TMEM196: variants seen among roughly 807,000 people sequenced by gnomAD.
TMEM196 encodes transmembrane protein 196.
In TMEM196, 17 loss-of-function variants were observed where a neutral mutation model predicts 20.0. That is an observed-to-expected ratio of 0.85 (90% CI 0.58 to 1.27). The LOEUF is 1.27. TMEM196 is among the 50% of genes most tolerant of loss of function. TMEM196 has a pLI of 0.00. For missense variants in TMEM196, 267 were observed against 223.0 expected, an observed-to-expected ratio of 1.20 and a Z score of -1.26; for synonymous variants, 113 against 88.9, an observed-to-expected ratio of 1.27 and a Z score of -1.52.
rs918482258 is a variant in TMEM196, at chr7:19,724,279, C to G, written c.533+1G>C. The G allele has an allele frequency of 6.5e-7, 1 of 1,550,358 alleles. No homozygotes were observed. The highest frequency in any genetic ancestry group is 2.0e-5 in the Admixed American group (1 of 50,996). On this transcript the variant is annotated splice_donor_variant, in intron 4 of 4. Transcript: ENST00000405844. LOFTEE classifies it high-confidence loss of function. ...TGGTAACTCCCTAGAAATCAGCGTA[C>G]CTTGTAGGTAACTCTGGTGTCGGGG...
At chr7:19,723,746 C>G (rs144814456) in intron 4 of TMEM196, among the ~76,000 whole-genome samples, 95 of 152,192 alleles carry the variant, frequency 6.2e-4, no homozygotes, top group Middle Eastern at 3.4e-3. Context: ...TTGAGCAAAC[C>G]AAGAACCATT....
chr7:19,725,046 C>T (rs1332426741), intron 3 of TMEM196, among the ~76,000 whole-genome samples: 1 of 152,168 alleles, frequency 6.6e-6, no homozygotes, highest in Non-Finnish European at 1.5e-5. Flanking sequence ...GTAATATCTG[C>T]ACTGATAGAC....
chr7:19,754,970 T>C (rs1274726663), intron 1 of TMEM196, among the ~76,000 whole-genome samples: 1 of 152,242 alleles, frequency 6.6e-6, no homozygotes, highest in Non-Finnish European at 1.5e-5. Flanking sequence ...CTCCATTCTT[T>C]TTATAAGAAT....
At chr7:19,735,219 C>T (rs1784355100) in intron 1 of TMEM196, among the ~76,000 whole-genome samples, 1 of 151,774 alleles carries the variant, frequency 6.6e-6, no homozygotes, top group African/African-American at 2.4e-5. Flanking sequence ...GATGCAATGA[C>T]AACAAAGATT....
chr7:19,766,213 A>G (rs1785622261), intron 1 of TMEM196, among the ~76,000 whole-genome samples: 1 of 152,192 alleles, frequency 6.6e-6, no homozygotes, highest in Admixed American at 6.6e-5. Context: ...TCTGATTGTC[A>G]TTTAATTTTA....
intron 1 of TMEM196, among the ~76,000 whole-genome samples, chr7:19,743,511 G>A (rs1355453412): frequency 1.3e-5 from 2 of 152,004 alleles, no homozygotes; most frequent in African/African-American, 4.8e-5. Context: ...TTTTGGATCA[G>A]GTATAAAAGT....
At chr7:19,747,891 C>T (rs1480469875) in intron 1 of TMEM196, among the ~76,000 whole-genome samples, 1 of 152,118 alleles carries the variant, frequency 6.6e-6, no homozygotes, top group East Asian at 1.9e-4. Context: ...GGGAGCTTTT[C>T]TCCCTAAAGG....
intron 1 of TMEM196, among the ~76,000 whole-genome samples, chr7:19,749,760 G>C (rs10231980): frequency 0.14 from 21,166 of 151,822 alleles, 1,829 homozygotes; most frequent in East Asian, 0.42. Context: ...CTCACAGTTC[G>C]TACCTCCAAA....
chr7:19,736,972 T>C (rs1002644241), intron 1 of TMEM196, among the ~76,000 whole-genome samples: 39 of 152,160 alleles, frequency 2.6e-4, no homozygotes, highest in African/African-American at 9.1e-4. Context: ...ACCTAGAATT[T>C]GGCATGGTAC....
intron 1 of TMEM196, among the ~76,000 whole-genome samples, chr7:19,736,479 A>G (rs1179976783): frequency 6.7e-6 from 1 of 149,480 alleles, no homozygotes; most frequent in Non-Finnish European, 1.5e-5. Flanking sequence ...ATTTGGCTGC[A>G]TATTAGCTTT....
At chr7:19,724,928 T>C (rs930750906) in intron 3 of TMEM196, among the ~76,000 whole-genome samples, 1 of 152,210 alleles carries the variant, frequency 6.6e-6, no homozygotes, top group African/African-American at 2.4e-5. Flanking sequence ...TTCCTATTTA[T>C]ATGGGTTTCA....
intron 2 of TMEM196, among the ~76,000 whole-genome samples, chr7:19,727,462 C>T (rs766888314): frequency 7.9e-5 from 12 of 152,146 alleles, no homozygotes; most frequent in East Asian, 1.9e-4. Context: ...CAATAATGAA[C>T]GGGTAAAATC....
At position 19,721,289 on chromosome 7, in the gene TMEM196, T is replaced by G. The variant is rs1783804111; in HGVS notation, c.*839A>C. ...TCACAATTTCTTTTCTAATACCTAT[T>G]TACATTCATGTATGCTATAATATAT... On this transcript the variant is annotated 3_prime_UTR_variant, in exon 5 of 5. Coordinates refer to ENST00000405844, the MANE Select transcript of TMEM196 (RefSeq NM_001363562.2). The G allele has an allele frequency of 6.6e-6, 1 of 151,932 alleles. No individual in the cohort carries two copies. Among genetic ancestry groups the G allele is most frequent in the Non-Finnish European group, 1.5e-5 (1 of 67,826 alleles). 9.4% of individuals were successfully genotyped at this position (151,932 alleles called of 1,614,324 possible).
At chr7:19,747,299 T>G (rs146930164) in intron 1 of TMEM196, among the ~76,000 whole-genome samples, 1,578 of 149,458 alleles carry the variant, frequency 0.011, 31 homozygotes, top group African/African-American at 0.037. Context: ...AAAATAAAAA[T>G]AAAAAAAAGA....
intron 1 of TMEM196, among the ~76,000 whole-genome samples, chr7:19,749,540 A>C (rs1291442865): frequency 6.6e-6 from 1 of 152,146 alleles, no homozygotes; most frequent in Non-Finnish European, 1.5e-5. Flanking sequence ...TTTTAAATAA[A>C]TTTTTTTGTG....
At chr7:19,722,199 G>C (rs917484385) in intron 4 of TMEM196, 65 bp from the exon 5 acceptor site, 1 of 1,391,258 alleles carries the variant, frequency 7.2e-7, no homozygotes, top group Non-Finnish European at 1.0e-6. Flanking sequence ...TTTGGTTAAT[G>C]AGTTTGCAAA....
intron 1 of TMEM196, among the ~76,000 whole-genome samples, chr7:19,748,802 A>G (rs1015170738): frequency 2.0e-5 from 3 of 152,222 alleles, no homozygotes; most frequent in Non-Finnish European, 4.4e-5. Flanking sequence ...TTTAGGAGGT[A>G]GAGACAATAT....
At chr7:19,765,022 G>A (rs1785572883) in intron 1 of TMEM196, among the ~76,000 whole-genome samples, 2 of 152,108 alleles carry the variant, frequency 1.3e-5, no homozygotes, top group South Asian at 4.1e-4. Context: ...TGACTAAGCT[G>A]ATTAAATAAC....
chr7:19,721,779 T>C lies in TMEM196; in HGVS notation c.*349A>G, dbSNP rs1173354205. The C allele has an allele frequency of 7.5e-6, 2 of 268,286 alleles. No homozygotes were observed. The highest frequency in any genetic ancestry group is 1.4e-5 in the Non-Finnish European group (2 of 143,954). 16.6% of individuals were successfully genotyped at this position (268,286 alleles called of 1,614,324 possible). On this transcript the variant is annotated 3_prime_UTR_variant, in exon 5 of 5. Transcript: ENST00000405844. ...AATAATCATGCTAGTCAAATAGTGT[T>C]TGTATAGAATATGCATTTTATTTCT...
Sources: gnomAD v4.1 joint callset for allele counts (sites outside exome capture counted in the v4.1 genomes callset) on GRCh38, gnomAD v4.1.1 for gene constraint, MANE v1.5 for transcripts, NCBI Gene and HGNC (gene_info 2026-07-23, HGNC 2026-07-21) for gene names.